CFAP52: variants seen among roughly 807,000 people sequenced by gnomAD.
CFAP52 encodes the protein cilia- and flagella-associated protein 52.
A neutral mutation model predicts 70.5 loss-of-function variants in CFAP52; 57 were observed. That is an observed-to-expected ratio of 0.81 (90% CI 0.65 to 1.01). CFAP52 has a LOEUF of 1.01. Ranked by LOEUF, CFAP52 falls within the 50% of genes least tolerant of loss-of-function variation. The pLI, the probability that CFAP52 is intolerant of heterozygous loss-of-function variation, is 0.00. For missense variants in CFAP52, 785 were observed against 788.5 expected (o/e 1.00, Z 0.05); for synonymous variants, 267 against 292.5 (o/e 0.91, Z 0.89).
At chr17:9,585,678 C>A in intron 1 of CFAP52, 95 bp from the exon 2 acceptor site, 2 of 1,263,898 alleles carry the variant, frequency 1.6e-6, no homozygotes, top group Non-Finnish European at 2.3e-6. Context: ...GTCACACACA[C>A]ACACACACAC....
chr17:9,616,628 C>A (rs886235294), intron 8 of CFAP52, among the ~76,000 whole-genome samples: 3 of 150,462 alleles, frequency 2.0e-5, no homozygotes, highest in Admixed American at 6.6e-5. Context: ...AGCAGTGGTT[C>A]TCCCAGCACT....
In CFAP52 at chr17:9,611,655, T is replaced by G. The variant is rs370066940; in HGVS notation, c.855-654T>G. Among the ~76,000 whole-genome samples, 11 of 152,280 alleles carry G rather than the reference T, an allele frequency of 7.2e-5. 1 individual carries two copies. The highest frequency in any genetic ancestry group is 2.6e-4 in the African/African-American group (11 of 41,552). ...TGCTGGGATTACAGGCATGAACAACTGTACAAGCTCTGAAATGATTTTACT... is the reference window on the plus strand; with the variant it reads ...TGCTGGGATTACAGGCATGAACAACGGTACAAGCTCTGAAATGATTTTACT... On this transcript the variant is annotated intron_variant, in intron 7 of 13. Coordinates refer to ENST00000352665, the MANE Select transcript of CFAP52 (RefSeq NM_145054.5).
intron 1 of CFAP52, 50 bp downstream of exon 1, chr17:9,576,815 G>T: frequency 6.3e-7 from 1 of 1,581,750 alleles, no homozygotes. Flanking sequence ...TTCGGAGGAC[G>T]TGTAGTGCAA....
intron 1 of CFAP52, among the ~76,000 whole-genome samples, chr17:9,582,512 C>A (rs1908270842): frequency 6.6e-6 from 1 of 152,182 alleles, no homozygotes; most frequent in Non-Finnish European, 1.5e-5. Context: ...CATATGTTTT[C>A]CTTATTGCCT....
At chr17:9,604,939 A>C (rs1482743795) in intron 6 of CFAP52, among the ~76,000 whole-genome samples, 3 of 152,166 alleles carry the variant, frequency 2.0e-5, no homozygotes, top group African/African-American at 7.2e-5. Context: ...AACACTAACA[A>C]CACCTAATAT....
At chr17:9,591,599 G>A (rs372877907) in intron 3 of CFAP52, among the ~76,000 whole-genome samples, 2 of 152,094 alleles carry the variant, frequency 1.3e-5, no homozygotes, top group African/African-American at 4.8e-5. Context: ...GTGTTTGTGC[G>A]GGGTGCAGTG....
Position 9,585,459 on chromosome 17 carries a change from C to G in CFAP52, c.71-314C>G, listed in dbSNP as rs192890596. Among the ~76,000 whole-genome samples, 1,018 of 152,044 alleles carry G rather than the reference C, an allele frequency of 6.7e-3. 16 individuals carry two copies. The highest frequency in any genetic ancestry group is 6.9e-3 in the Non-Finnish European group (469 of 67,966). ...TAAGGTGGACGGATCACGAGGTCAG[C>G]AGTTCAAGACCAGCCTGACCAACAT... On this transcript the variant is annotated intron_variant, in intron 1 of 13. Coordinates refer to ENST00000352665, the MANE Select transcript of CFAP52 (RefSeq NM_145054.5).
At chr17:9,630,967 C>G (rs1442585670) in intron 9 of CFAP52, among the ~76,000 whole-genome samples, 1 of 140,494 alleles carries the variant, frequency 7.1e-6, no homozygotes, top group African/African-American at 2.7e-5. Context: ...GCCTGGGTAA[C>G]AGAGCCAGAC....
chr17:9,585,996 T>C (rs758311596), intron 2 of CFAP52, 24 bp downstream of exon 2: 4 of 1,611,720 alleles, frequency 2.5e-6, no homozygotes, highest in Non-Finnish European at 2.5e-6. Flanking sequence ...AAACGACTCA[T>C]TGTCAATTTA....
intron 3 of CFAP52, among the ~76,000 whole-genome samples, chr17:9,588,174 T>G (rs904696342): frequency 3.3e-5 from 5 of 152,154 alleles, no homozygotes; most frequent in African/African-American, 1.2e-4. Flanking sequence ...GGCGTATAAT[T>G]CCACTGTTAA....
chr17:9,595,054 C>A (rs1014748672), intron 4 of CFAP52, among the ~76,000 whole-genome samples: 1 of 152,020 alleles, frequency 6.6e-6, no homozygotes, highest in African/African-American at 2.4e-5. Context: ...ACACACCCGG[C>A]TAATTTTTGT....
At chr17:9,630,041 C>T (rs541734167) in intron 9 of CFAP52, among the ~76,000 whole-genome samples, 11 of 151,998 alleles carry the variant, frequency 7.2e-5, no homozygotes, top group Admixed American at 2.6e-4. Context: ...TTGGAGTCCT[C>T]ACTGCCTCCC....
chr17:9,641,673 G>A (rs1179868257), intron 12 of CFAP52, 51 bp from the exon 13 acceptor site: 1 of 1,372,588 alleles, frequency 7.3e-7, no homozygotes, highest in East Asian at 2.3e-5. Context: ...CATGTGCATG[G>A]ATGACTCTCC....
intron 8 of CFAP52, 70 bp downstream of exon 8, chr17:9,612,549 G>T: frequency 6.7e-7 from 1 of 1,490,278 alleles, no homozygotes; most frequent in Non-Finnish European, 9.0e-7. Flanking sequence ...TTTTATGAAT[G>T]CATTTTCAAT....
intron 3 of CFAP52, among the ~76,000 whole-genome samples, chr17:9,593,927 T>C (rs1908877573): frequency 6.6e-6 from 1 of 151,832 alleles, no homozygotes; most frequent in South Asian, 2.1e-4. Context: ...ATGGCGCCAT[T>C]GCACTCCAGC....
Position 9,643,236 on chromosome 17 carries a change from A to G in CFAP52, c.*38A>G, listed in dbSNP as rs1911171344. ...GTCTCTGAGCCTTGGCGTTGCACGC[A>G]GTCCTGTTGAAGACTGAGTTTAGAT... On this transcript the variant is annotated 3_prime_UTR_variant, in exon 14 of 14. Transcript: ENST00000352665. 1 of 1,494,818 alleles carries G rather than the reference A, an allele frequency of 6.7e-7. No individual in the cohort carries two copies. Among genetic ancestry groups the G allele is most frequent in the Non-Finnish European group, 8.9e-7 (1 of 1,117,508 alleles). 92.6% of individuals were successfully genotyped at this position (1,494,818 alleles called of 1,614,324 possible). A position where few individuals can be genotyped will look rare whatever the true frequency, so the allele number is the denominator to read the frequency against.
intron 9 of CFAP52, among the ~76,000 whole-genome samples, chr17:9,631,268 C>T (rs908001858): frequency 1.9e-4 from 29 of 151,922 alleles, no homozygotes; most frequent in Non-Finnish European, 8.8e-5. Flanking sequence ...CCCTTCTAGC[C>T]ATACTTTCTT....
rs575128166 is a variant in CFAP52 at position 9,586,065 on chromosome 17, A to G, written c.270+93A>G. 3.7e-5 allele frequency: 47 copies of G among 1,272,794 alleles called. No individual in the cohort carries two copies. The South Asian group carries it at 5.9e-4, about 16-fold the overall frequency. 78.8% of individuals were successfully genotyped at this position (1,272,794 alleles called of 1,614,324 possible). On this transcript the variant is annotated intron_variant, in intron 2 of 13. Transcript: ENST00000352665. ...TTCAAGTTGTTAGTTCTATGTGGCA[A>G]TGTGCTTTATTCTTCCTTCTTCTTC...
chr17:9,641,910 G>A lies in CFAP52; in HGVS notation c.1687+75G>A, dbSNP rs374452873. 49 of 1,340,528 alleles carry A rather than the reference G, an allele frequency of 3.7e-5. 1 individual carries two copies. The African/African-American group carries it at 3.8e-4, about 10-fold the overall frequency. The allele number at this position is 1,340,528 out of a possible 1,614,324, so 83.0% of individuals were successfully genotyped here. A position where few individuals can be genotyped will look rare whatever the true frequency, so the allele number is the denominator to read the frequency against. ...CATGGAAGGAACTCCCAGGCTAGAG[G>A]CAATTGGAAAAGACAACAAAAGGGT... is the stretch of plus-strand genomic sequence containing the variant. On this transcript the variant is annotated intron_variant, in intron 13 of 13. Coordinates refer to ENST00000352665, the MANE Select transcript of CFAP52 (RefSeq NM_145054.5).
Sources: gnomAD v4.1 joint callset for allele counts (sites outside exome capture counted in the v4.1 genomes callset) on GRCh38, gnomAD v4.1.1 for gene constraint, MANE v1.5 for transcripts, NCBI Gene and HGNC (gene_info 2026-07-23, HGNC 2026-07-21) for gene names.